SYNE2: variants seen among roughly 807,000 people sequenced by gnomAD.
SYNE2 encodes the protein spectrin repeat containing nuclear envelope protein 2.
Under a neutral mutation model 856.3 loss-of-function variants are expected in SYNE2, and 431 were observed. That is an observed-to-expected ratio of 0.50 (90% CI 0.47 to 0.55). SYNE2 has a LOEUF of 0.55. Ranked by LOEUF, SYNE2 falls within the 20% of genes least tolerant of loss-of-function variation. The pLI, the probability that SYNE2 is intolerant of heterozygous loss-of-function variation, is 0.00. For missense variants in SYNE2, 8,129 were observed against 8,023.2 expected, an observed-to-expected ratio of 1.01 and a Z score of -0.50; for synonymous variants, 2,923 against 2,872.3, an observed-to-expected ratio of 1.02 and a Z score of -0.56.
At chr14:64,003,804 G>T (rs1265024203) in intron 30 of SYNE2, among the ~76,000 whole-genome samples, 3 of 152,208 alleles carry the variant, frequency 2.0e-5, no homozygotes, top group Non-Finnish European at 4.4e-5. Context: ...GAGTGGAAGG[G>T]CAGGAGACTG....
In SYNE2 at chr14:64,098,015, G is replaced by T. The variant is rs1595498985; in HGVS notation, c.12175G>T (p.Asp4059Tyr). 1.2e-6 allele frequency: 2 copies of T among 1,614,194 alleles called. No homozygotes were observed. The highest frequency in any genetic ancestry group is 1.3e-5 in the African/African-American group (1 of 75,050). The change falls in exon 62 of 116, where the codon GAC becomes TAC. Residue 4059 changes from aspartate to tyrosine, a missense_variant. Around this residue, in one of 3 missense-constraint regions of SYNE2, gnomAD observed 5,410 missense variants for 5,284.8 expected, o/e 1.02. Transcript: ENST00000555002. ...CCAGAGAAAAGAAGACCTGTTGGTG[G>T]ACTTGAAGGCCACCGTACTAAACCT... Reference protein sequence around the residue: ...LNQRKEDLLVDLKATVLNLHQ... With the variant: ...LNQRKEDLLVYLKATVLNLHQ...
intron 98 of SYNE2, 30 bp from the exon 99 acceptor site, chr14:64,190,041 C>T: frequency 6.2e-7 from 1 of 1,612,682 alleles, no homozygotes; most frequent in Non-Finnish European, 8.5e-7. Flanking sequence ...GGCTAATTAG[C>T]CAGGCTTTAT....
At chr14:63,792,665 GTT>G in intron 1 of SYNE2, among the ~76,000 whole-genome samples, 1 of 151,864 alleles carries the variant, frequency 6.6e-6, no homozygotes, top group South Asian at 2.1e-4. Context: ...TTGTTTGTTT[GTT>G]TGTTTGTTTG....
intron 54 of SYNE2, 110 bp downstream of exon 54, chr14:64,076,210 CTTTT>C: frequency 8.1e-7 from 1 of 1,233,264 alleles, no homozygotes; most frequent in Non-Finnish European, 1.2e-6. Context: ...GCTATAACTT[CTTTT>C]AAGAGTTAAG....
At position 64,188,496 on chromosome 14, in the gene SYNE2, G is replaced by A. The variant is rs753774361; in HGVS notation, c.17713-54G>A. 192 of 1,605,242 alleles carry A rather than the reference G, an allele frequency of 1.2e-4. 1 individual carries two copies. The highest frequency in any genetic ancestry group is 9.7e-4 in the Admixed American group (58 of 59,998). ...ACTCAGTTTTTTTGAGGGAGAGAAG[G>A]GGGTGCTTTCCTTCCTGGCTATACT... On this transcript the variant is annotated intron_variant, in intron 97 of 115. Coordinates refer to ENST00000555002, the MANE Select transcript of SYNE2 (RefSeq NM_182914.3).
At chr14:64,134,363 G>A (rs915799033) in intron 78 of SYNE2, among the ~76,000 whole-genome samples, 163 bp downstream of exon 78, 3 of 152,186 alleles carry the variant, frequency 2.0e-5, no homozygotes, top group Admixed American at 2.0e-4. Context: ...ATTTGAATGT[G>A]AACTCCTTAG....
At chr14:64,221,431 T>A (rs1732479480) in intron 111 of SYNE2, 145 bp from the exon 112 acceptor site, 1 of 1,449,262 alleles carries the variant, frequency 6.9e-7, no homozygotes, top group African/African-American at 1.4e-5. Context: ...CCCTGGCATT[T>A]AGTTTAAAGC....
intron 27 of SYNE2, 146 bp downstream of exon 27, chr14:63,999,186 C>T: frequency 1.2e-6 from 1 of 825,000 alleles, no homozygotes; most frequent in Non-Finnish European, 1.9e-6. Context: ...TTTCTAGTGT[C>T]ACCCTAGTCC....
rs749068863 is a variant in SYNE2 at position 64,143,894 on chromosome 14, C to A, written c.15429C>A (p.His5143Gln). ...KRYERTEFAE[H>Q]LGEMNRQWHR... ...ATGAAAGAACGGAGTTTGCAGAGCACCTGGGGGAGATGAACCGCCAGTGGC... is the reference window on the plus strand; with the variant it reads ...ATGAAAGAACGGAGTTTGCAGAGCAACTGGGGGAGATGAACCGCCAGTGGC... The change falls in exon 83 of 116, where the codon CAC (histidine) becomes CAA (glutamine). Residue 5143 changes from histidine to glutamine, a missense_variant. Physicochemically the swap from His to Gln is conservative, Grantham distance 24. Transcript: ENST00000555002. 1.9e-6 allele frequency: 3 copies of A among 1,614,012 alleles called. No homozygotes were observed. The highest frequency in any genetic ancestry group is 2.7e-5 in the African/African-American group (2 of 74,906).
intron 103 of SYNE2, 38 bp downstream of exon 103, chr14:64,210,162 C>T: frequency 6.2e-7 from 1 of 1,607,936 alleles, no homozygotes; most frequent in Non-Finnish European, 8.5e-7. Context: ...GTAGATTTTC[C>T]AGGAGACATA....
At chr14:63,800,142 T>C (rs1888076783) in intron 1 of SYNE2, among the ~76,000 whole-genome samples, 1 of 152,258 alleles carries the variant, frequency 6.6e-6, no homozygotes, top group Non-Finnish European at 1.5e-5. Context: ...ACCTGTGTTA[T>C]GTTTCCATCC....
intron 50 of SYNE2, 34 bp from the exon 51 acceptor site, chr14:64,065,398 T>G: frequency 6.3e-7 from 1 of 1,579,178 alleles, no homozygotes; most frequent in Non-Finnish European, 8.7e-7. Context: ...CATAATAGTA[T>G]GTCCCTCTTA....
At chr14:63,876,152 C>G (rs967899955) in intron 1 of SYNE2, among the ~76,000 whole-genome samples, 14 of 150,638 alleles carry the variant, frequency 9.3e-5, no homozygotes, top group African/African-American at 3.4e-4. Flanking sequence ...GTGGCTCACA[C>G]TTGTAATCCT....
chr14:63,985,286 C>T (rs1429635260), intron 18 of SYNE2, among the ~76,000 whole-genome samples: 4 of 143,592 alleles, frequency 2.8e-5, no homozygotes, highest in Non-Finnish European at 6.0e-5. Flanking sequence ...GCCAAGATTG[C>T]ACCACCGCAC....
At chr14:63,780,417 C>G (rs1887265884) in intron 1 of SYNE2, among the ~76,000 whole-genome samples, 1 of 152,118 alleles carries the variant, frequency 6.6e-6, no homozygotes, top group African/African-American at 2.4e-5. Context: ...GCCTGTAATC[C>G]CAGCTGCTTG....
rs1374047149 is a variant in SYNE2, at chr14:63,941,979, C to T, written c.315+17C>T. ...AACCGATCAGTAAGTATAAATTTTT[C>T]TTAAAAATTCACAGGAGAGATTAAT... On this transcript the variant is annotated intron_variant, in intron 5 of 115. Transcript: ENST00000555002. 6.2e-7 allele frequency: 1 copy of T among 1,608,248 alleles called. No individual in the cohort carries two copies. The highest frequency in any genetic ancestry group is 8.5e-7 in the Non-Finnish European group (1 of 1,175,834).
At chr14:63,974,884 GTGTGTGTGTATATATATATATA>G in intron 11 of SYNE2, among the ~76,000 whole-genome samples, 1 of 27,292 alleles carries the variant, frequency 3.7e-5, no homozygotes, top group Non-Finnish European at 7.2e-5. Context: ...GTGTGTGTGT[GTGTGTGTGTATATATATATATA>G]TATATATATA....
rs10666086 is a variant in SYNE2 at position 63,940,070 on chromosome 14, A to ATTTTTTT, written c.80-532_80-526dup. On this transcript the variant is annotated intron_variant, in intron 2 of 115. Transcript: ENST00000555002. ...TCAAGGTGGTATAGGGTCTCAGTTC[A>ATTTTTTT]TTTTTTTTTTTTTTTTTTCTTTCAT... 2.6e-3 allele frequency among the ~76,000 whole-genome samples: 342 copies of ATTTTTTT among 129,108 alleles called. 7 individuals carry two copies. The highest frequency in any genetic ancestry group is 3.1e-3 in the Non-Finnish European group (195 of 62,770). 84.7% of individuals were successfully genotyped at this position (129,108 alleles called of 152,430 possible). A position where few individuals can be genotyped will look rare whatever the true frequency, so the allele number is the denominator to read the frequency against.
intron 2 of SYNE2, among the ~76,000 whole-genome samples, chr14:63,930,996 A>G (rs1031199461): frequency 5.9e-5 from 9 of 152,178 alleles, no homozygotes; most frequent in South Asian, 2.1e-4. Flanking sequence ...CATCTGAAGT[A>G]GGGGAGAGTC....
Sources: allele counts gnomAD v4.1 joint callset (sites outside exome capture counted in the v4.1 genomes callset), GRCh38; gene constraint gnomAD v4.1.1; regional missense constraint gnomAD v4.1.1; transcripts MANE v1.5; gene names NCBI Gene and HGNC (gene_info 2026-07-23, HGNC 2026-07-21).